The following SLC10A6 variants were observed in gnomAD, a reference collection of about 807,000 sequenced individuals.
The protein encoded by SLC10A6 is sodium-dependent organic anion transporter.
In SLC10A6, 27 loss-of-function variants were observed where a neutral mutation model predicts 30.0. That is an observed-to-expected ratio of 0.90 (90% CI 0.66 to 1.24). The LOEUF is 1.24. Ranked by LOEUF, SLC10A6 falls within the 50% of genes most tolerant of loss-of-function variation. SLC10A6 has a pLI of 0.00. For synonymous variants in SLC10A6, 166 were observed against 173.8 expected (o/e 0.95, Z 0.36); for missense variants, 439 against 457.0 (o/e 0.96, Z 0.36).
chr4:86,826,438 G>T (rs539363283), intron 4 of SLC10A6, among the ~76,000 whole-genome samples: 8 of 152,032 alleles, frequency 5.3e-5, no homozygotes, highest in Non-Finnish European at 1.5e-5. Flanking sequence ...AATTAGCCTG[G>T]CGTGGTGGCA....
intron 5 of SLC10A6, among the ~76,000 whole-genome samples, chr4:86,824,569 CAT>C (rs1487238993): frequency 5.8e-5 from 8 of 138,440 alleles, no homozygotes; most frequent in East Asian, 2.0e-4. Context: ...TGTATGTGAA[CAT>C]ATATATTTTT....
intron 1 of SLC10A6, among the ~76,000 whole-genome samples, chr4:86,835,653 T>A: frequency 1.5e-5 from 2 of 134,848 alleles, no homozygotes; most frequent in Admixed American, 8.0e-5. Flanking sequence ...GGCAACAAAG[T>A]GAAACTCCAT....
At chr4:86,838,439 T>A (rs1746235863) in intron 1 of SLC10A6, among the ~76,000 whole-genome samples, 2 of 152,188 alleles carry the variant, frequency 1.3e-5, no homozygotes, top group South Asian at 4.1e-4. Flanking sequence ...ACTTACTGAA[T>A]AAATGTATGA....
In SLC10A6 at chr4:86,833,252, T is replaced by C. The variant is rs1196125920; in HGVS notation, c.496+54A>G. ...GAGTTATATAATTAAGAACAGCTAT[T>C]ATTAGTATCATCACCATTACTGTTA... On this transcript the variant is annotated intron_variant, in intron 2 of 5. Transcript: ENST00000273905. 2.2e-6 allele frequency: 3 copies of C among 1,334,966 alleles called. No homozygotes were observed. The African/African-American group carries it at 4.4e-5, about 19-fold the overall frequency. The allele number at this position is 1,334,966 out of a possible 1,614,324, so 82.7% of individuals were successfully genotyped here.
chr4:86,824,353 T>C (rs1400906846), intron 5 of SLC10A6, among the ~76,000 whole-genome samples: 1 of 152,186 alleles, frequency 6.6e-6, no homozygotes, highest in Non-Finnish European at 1.5e-5. Context: ...TTGACTCTAA[T>C]AGGATTTATC....
chr4:86,835,757 G>A (rs1203564598), intron 1 of SLC10A6, among the ~76,000 whole-genome samples: 3 of 151,086 alleles, frequency 2.0e-5, no homozygotes, highest in African/African-American at 4.9e-5. Context: ...GAGAGAGAGA[G>A]AGAGAAAGAA....
At chr4:86,829,313 A>G (rs1746042850) in intron 3 of SLC10A6, among the ~76,000 whole-genome samples, 2 of 152,176 alleles carry the variant, frequency 1.3e-5, no homozygotes, top group African/African-American at 2.4e-5. Context: ...CAAGAGGCTG[A>G]GGCAGGAGAA....
intron 4 of SLC10A6, among the ~76,000 whole-genome samples, chr4:86,827,060 T>C (rs1391431595): frequency 6.6e-6 from 1 of 152,180 alleles, no homozygotes; most frequent in Non-Finnish European, 1.5e-5. Context: ...AAACTCGATA[T>C]GATTAAGCTA....
At chr4:86,833,783 T>A (rs1746130503) in intron 1 of SLC10A6, among the ~76,000 whole-genome samples, 1 of 152,178 alleles carries the variant, frequency 6.6e-6, no homozygotes, top group South Asian at 2.1e-4. Flanking sequence ...TTTAGTATAG[T>A]CACAACATTA....
rs1745966273 is a variant in SLC10A6, at chr4:86,825,545, T to G, written c.794A>C (p.Gln265Pro). 6.2e-7 allele frequency: 1 copy of G among 1,608,022 alleles called. No individual in the cohort carries two copies. Among genetic ancestry groups the G allele is most frequent in the Non-Finnish European group, 8.5e-7 (1 of 1,174,928 alleles). Residue 265 changes from glutamine to proline, a missense_variant, in exon 5 of 6, where the codon CAG (glutamine) becomes CCG (proline). Physicochemically the swap from Gln to Pro is moderately conservative, Grantham distance 76 (BLOSUM62 -1). Transcript: ENST00000273905. ...CRTISLETGA[Q>P]NIQMCITMLQ... The stretch of plus-strand genomic sequence containing the variant: ...CATGGTGATGCACATCTGAATATTC[T>G]GAGCTCCAGTTTCTAAGGAAATTGT...
intron 1 of SLC10A6, among the ~76,000 whole-genome samples, chr4:86,841,771 C>G (rs112821266): frequency 1.5e-3 from 235 of 152,252 alleles, no homozygotes; most frequent in African/African-American, 5.4e-3. Flanking sequence ...CTCTGACCCT[C>G]AAAACTATGA....
intron 1 of SLC10A6, among the ~76,000 whole-genome samples, chr4:86,842,608 G>A (rs1746308815): frequency 6.6e-6 from 1 of 151,036 alleles, no homozygotes; most frequent in Admixed American, 6.6e-5. Context: ...GAGGTGAGAG[G>A]ATCACTTGAC....
At position 86,848,843 on chromosome 4, in the gene SLC10A6, A is replaced by G. The variant is rs1195810371; in HGVS notation, c.273T>C (p.Ser91=). ...FTAYLLAISF[S]LKPVQAIAVL... is the part of the protein sequence containing the mutation. Reference sequence around the variant, plus strand: ...CAGCAATAGCTTGGACTGGCTTCAGAGAAAAGCTAATGGCCAGGAGATAAG... The same window carrying G: ...CAGCAATAGCTTGGACTGGCTTCAGGGAAAAGCTAATGGCCAGGAGATAAG... The change falls in exon 1 of 6, where the codon TCT becomes TCC. Residue 91 remains serine (S), a synonymous_variant. Transcript: ENST00000273905. 1 of 1,614,076 alleles carries G rather than the reference A, an allele frequency of 6.2e-7. No individual in the cohort carries two copies. The highest frequency in any genetic ancestry group is 2.2e-5 in the East Asian group (1 of 44,878).
chr4:86,842,874 C>CTTTCTTTCTTTCTTTTTTT (rs1560461934), intron 1 of SLC10A6, among the ~76,000 whole-genome samples: 2 of 42,788 alleles, frequency 4.7e-5, no homozygotes, highest in Non-Finnish European at 8.1e-5. Flanking sequence ...TTCTTTCTTT[C>CTTTCTTTCTTTCTTTTTTT]TTTTTTTTTT....
chr4:86,838,725 C>T (rs1204486167), intron 1 of SLC10A6, among the ~76,000 whole-genome samples: 2 of 151,586 alleles, frequency 1.3e-5, no homozygotes, highest in Non-Finnish European at 2.9e-5. Context: ...GAGTTCGAGA[C>T]CAGCTTGGCC....
At chr4:86,843,351 T>C (rs1427296681) in intron 1 of SLC10A6, among the ~76,000 whole-genome samples, 1 of 152,172 alleles carries the variant, frequency 6.6e-6, no homozygotes, top group African/African-American at 2.4e-5. Flanking sequence ...AGCCCAGCTA[T>C]TGCAATGCTT....
intron 4 of SLC10A6, among the ~76,000 whole-genome samples, chr4:86,825,834 A>G (rs1205374262): frequency 6.6e-6 from 1 of 152,274 alleles, no homozygotes; most frequent in Non-Finnish European, 1.5e-5. Flanking sequence ...CAGCAACAAC[A>G]CAAGACAAAG....
At chr4:86,836,248 T>A (rs1299091344) in intron 1 of SLC10A6, among the ~76,000 whole-genome samples, 1 of 152,244 alleles carries the variant, frequency 6.6e-6, no homozygotes, top group Non-Finnish European at 1.5e-5. Context: ...GCAATGGTTC[T>A]TAAGAACTTT....
chr4:86,837,331 A>AGGG (rs1560460491), intron 1 of SLC10A6, among the ~76,000 whole-genome samples: 1 of 130,884 alleles, frequency 7.6e-6, no homozygotes, highest in East Asian at 2.3e-4. Context: ...GGAAGGAAGG[A>AGGG]AGGAAGGAAG....
Sources: allele counts gnomAD v4.1 joint callset (sites outside exome capture counted in the v4.1 genomes callset), GRCh38; gene constraint gnomAD v4.1.1; transcripts MANE v1.5; gene names NCBI Gene and HGNC (gene_info 2026-07-23, HGNC 2026-07-21).